The following TTC7B variants were observed in gnomAD, a reference collection of about 807,000 sequenced individuals.
The protein encoded by TTC7B is tetratricopeptide repeat domain 7B.
Under a neutral mutation model 106.8 loss-of-function variants are expected in TTC7B, and 28 were observed. That is an observed-to-expected ratio of 0.26 (90% CI 0.19 to 0.36). The LOEUF (loss-of-function observed/expected upper bound fraction) is 0.36. Among genes scored for constraint, TTC7B ranks in the 10% least tolerant of loss-of-function variants. The pLI, the probability that TTC7B is intolerant of heterozygous loss-of-function variation, is 1.00. For missense variants in TTC7B, 862 were observed against 1,076.4 expected (o/e 0.80, Z 2.79); for synonymous variants, 405 against 430.6 (o/e 0.94, Z 0.74).
chr14:90,643,385 G>A (rs1284460650), intron 15 of TTC7B, among the ~76,000 whole-genome samples: 2 of 151,614 alleles, frequency 1.3e-5, no homozygotes, highest in African/African-American at 2.4e-5. Flanking sequence ...TACAGACTGG[G>A]CAACAGAGTG....
At chr14:90,571,149 C>G (rs1891019135) in intron 19 of TTC7B, among the ~76,000 whole-genome samples, 1 of 152,194 alleles carries the variant, frequency 6.6e-6, no homozygotes, top group Non-Finnish European at 1.5e-5. Flanking sequence ...AGAGCACACG[C>G]AGCAGACACG....
chr14:90,714,859 T>C (rs900744363), intron 5 of TTC7B, among the ~76,000 whole-genome samples: 1 of 152,234 alleles, frequency 6.6e-6, no homozygotes, highest in Non-Finnish European at 1.5e-5. Flanking sequence ...CAGCTTCCTC[T>C]ATGACAATTC....
In TTC7B at chr14:90,779,846, A is replaced by T. The variant is rs1361994549; in HGVS notation, c.445+892T>A. On this transcript the variant is annotated intron_variant, in intron 3 of 19. Coordinates refer to ENST00000328459, the MANE Select transcript of TTC7B (RefSeq NM_001010854.2). ...ACTAGAGTGCAAACTGCTTCATGGC[A>T]GTGAGATATTTACACGTTCTTCTTG... 2.6e-5 allele frequency among the ~76,000 whole-genome samples: 4 copies of T among 152,184 alleles called. No individual in the cohort carries two copies. The South Asian group carries it at 8.3e-4, about 31-fold the overall frequency.
At chr14:90,619,601 C>G (rs564242302) in intron 15 of TTC7B, among the ~76,000 whole-genome samples, 1 of 152,134 alleles carries the variant, frequency 6.6e-6, no homozygotes, top group Non-Finnish European at 1.5e-5. Context: ...TCCTGCTGAC[C>G]GAAGGCATCC....
chr14:90,664,250 C>A (rs1886321642), intron 9 of TTC7B, among the ~76,000 whole-genome samples: 1 of 152,052 alleles, frequency 6.6e-6, no homozygotes, highest in Admixed American at 6.6e-5. Flanking sequence ...AAAATAAAAG[C>A]ATTCACATTT....
chr14:90,646,319 C>T (rs2139885246), intron 14 of TTC7B, among the ~76,000 whole-genome samples: 1 of 152,314 alleles, frequency 6.6e-6, no homozygotes, highest in East Asian at 1.9e-4. Flanking sequence ...CCCAGAACAG[C>T]TGGGAGGGGA....
At chr14:90,730,423 G>A (rs146975525) in intron 4 of TTC7B, among the ~76,000 whole-genome samples, 1 of 152,190 alleles carries the variant, frequency 6.6e-6, no homozygotes, top group African/African-American at 2.4e-5. Flanking sequence ...TCCTGGTACC[G>A]AAAGCTGAGG....
intron 18 of TTC7B, among the ~76,000 whole-genome samples, chr14:90,579,571 G>T (rs1245154789): frequency 6.6e-6 from 1 of 152,286 alleles, no homozygotes; most frequent in East Asian, 1.9e-4. Flanking sequence ...GCCGAGGCGG[G>T]CGGATAGCTT....
chr14:90,794,528 G>A (rs1427674087), intron 1 of TTC7B, among the ~76,000 whole-genome samples: 1 of 152,036 alleles, frequency 6.6e-6, no homozygotes, highest in African/African-American at 2.4e-5. Flanking sequence ...ACCCAGCCCT[G>A]GCTGGGTATT....
At chr14:90,723,035 C>T (rs1888956499) in intron 5 of TTC7B, among the ~76,000 whole-genome samples, 1 of 152,176 alleles carries the variant, frequency 6.6e-6, no homozygotes, top group Non-Finnish European at 1.5e-5. Flanking sequence ...TCAAGTCAAA[C>T]CCGTCTTCTG....
chr14:90,565,814 C>T (rs956449346), intron 19 of TTC7B, among the ~76,000 whole-genome samples: 2 of 152,078 alleles, frequency 1.3e-5, no homozygotes, highest in African/African-American at 4.8e-5. Flanking sequence ...TACTGTGTCT[C>T]AGGGAATAGG....
chr14:90,561,465 A>C (rs1890578143), intron 19 of TTC7B, among the ~76,000 whole-genome samples: 1 of 152,198 alleles, frequency 6.6e-6, no homozygotes, highest in Non-Finnish European at 1.5e-5. Context: ...AGGCATAAAG[A>C]GGGGACGCTT....
intron 1 of TTC7B, among the ~76,000 whole-genome samples, chr14:90,788,533 A>AT (rs1891468572): frequency 6.6e-6 from 1 of 152,172 alleles, no homozygotes; most frequent in Admixed American, 6.5e-5. Flanking sequence ...TCGGAGTGTC[A>AT]TGCCTTTATC....
chr14:90,657,314 G>A lies in TTC7B; in HGVS notation c.1237-36C>T, dbSNP rs747476440. ...GAAGATTATTTCCGTGAAACTCAAA[G>A]TGTTTGACAGAACCGAATACTACAG... On this transcript the variant is annotated intron_variant, in intron 10 of 19. Transcript: ENST00000328459. The surrounding 1 kb of genome is among the most constrained non-coding windows in gnomAD (Gnocchi z 4.2). The A allele has an allele frequency of 6.2e-7, 1 of 1,601,774 alleles. No homozygotes were observed. Among genetic ancestry groups the A allele is most frequent in the Non-Finnish European group, 8.5e-7 (1 of 1,173,054 alleles).
chr14:90,683,236 C>T (rs527798774), intron 7 of TTC7B, among the ~76,000 whole-genome samples: 6 of 152,134 alleles, frequency 3.9e-5, no homozygotes, highest in Non-Finnish European at 7.3e-5. Context: ...TGCCAACCCA[C>T]GAGAAAGTTG....
chr14:90,791,976 C>A (rs953883439), intron 1 of TTC7B, among the ~76,000 whole-genome samples: 3 of 152,182 alleles, frequency 2.0e-5, no homozygotes, highest in African/African-American at 7.2e-5. Flanking sequence ...GCTGAGAACT[C>A]CTATCTGGAA....
intron 6 of TTC7B, among the ~76,000 whole-genome samples, chr14:90,692,655 A>C (rs1400496063): frequency 6.6e-6 from 1 of 152,188 alleles, no homozygotes; most frequent in African/African-American, 2.4e-5. Flanking sequence ...CAATTCAGTC[A>C]GTTACTTTCA....
intron 19 of TTC7B, among the ~76,000 whole-genome samples, chr14:90,552,125 T>C (rs960224003): frequency 2.0e-5 from 3 of 152,314 alleles, no homozygotes; most frequent in Admixed American, 1.3e-4. Flanking sequence ...GGCCAGGTCC[T>C]GGTGTTCTGG....
At chr14:90,799,463 G>A (rs948603137) in intron 1 of TTC7B, among the ~76,000 whole-genome samples, 1 of 152,210 alleles carries the variant, frequency 6.6e-6, no homozygotes, top group Non-Finnish European at 1.5e-5. Context: ...AGTGGTAAGA[G>A]CTGTGCAGAG....
Sources: allele counts gnomAD v4.1 joint callset (sites outside exome capture counted in the v4.1 genomes callset), GRCh38; gene constraint gnomAD v4.1.1; non-coding constraint Gnocchi (gnomAD v3.1); transcripts MANE v1.5; gene names NCBI Gene and HGNC (gene_info 2026-07-23, HGNC 2026-07-21).